The following KAZN variants were observed in gnomAD, a reference collection of about 807,000 sequenced individuals.
The protein encoded by KAZN is kazrin, periplakin interacting protein.
Under a neutral mutation model 87.4 loss-of-function variants are expected in KAZN, and 40 were observed. The ratio of observed to expected loss-of-function variants is 0.46; its 90% CI spans 0.36 to 0.60. The LOEUF (loss-of-function observed/expected upper bound fraction) is 0.60, where lower values mean the gene tolerates loss of function less well. Among genes scored for constraint, KAZN ranks in the 20% least tolerant of loss-of-function variants. The pLI, the probability that KAZN is intolerant of heterozygous loss-of-function variation, is 0.00. For missense variants in KAZN, 898 were observed against 1,073.9 expected (o/e 0.84, Z 2.29); for synonymous variants, 466 against 458.3 (o/e 1.02, Z -0.22).
At chr1:14,812,414 G>T (rs1020849344) in intron 1 of KAZN, among the ~76,000 whole-genome samples, 4 of 152,198 alleles carry the variant, frequency 2.6e-5, no homozygotes, top group African/African-American at 9.7e-5. Context: ...CAGTGGAGGG[G>T]TGGTGGAACA....
chr1:14,730,412 G>A (rs577849196), intron 1 of KAZN, among the ~76,000 whole-genome samples: 31 of 152,164 alleles, frequency 2.0e-4, no homozygotes, highest in African/African-American at 6.0e-4. Context: ...GATAGTTCAC[G>A]CTTATTCATT....
At chr1:14,198,249 A>G (rs935757431) in intron 2 of KAZN, among the ~76,000 whole-genome samples, 1 of 152,196 alleles carries the variant, frequency 6.6e-6, no homozygotes, top group Admixed American at 6.5e-5. Flanking sequence ...GATGGTGATA[A>G]AAATCTGACT....
At chr1:14,056,064 C>T (rs1037451961) in intron 1 of KAZN, among the ~76,000 whole-genome samples, 1 of 152,198 alleles carries the variant, frequency 6.6e-6, no homozygotes, top group Non-Finnish European at 1.5e-5. Context: ...TCCTCCCTGG[C>T]TTCAAGATCC....
In KAZN at chr1:15,114,551, AG is replaced by A. The variant is rs1353729827; in HGVS notation, c.2245del (p.Asp749IlefsTer38). The stretch of plus-strand genomic sequence containing the variant: ...ATGACTATGGCTCTCTTCAAAACGA[AG>A]ATTGCGGAGACGATGACCCCCAGAG... The part of the protein sequence containing the change: ...HDDYGSLQNE[D>X]CGDDDPQSRL... On this transcript the variant is annotated frameshift_variant, in exon 15 of 15. Coordinates refer to ENST00000376030, the MANE Select transcript of KAZN (RefSeq NM_201628.3). LOFTEE classifies it high-confidence loss of function. The A allele has an allele frequency of 1.9e-6, 3 of 1,609,554 alleles. No homozygotes were observed. The highest frequency in any genetic ancestry group is 2.5e-6 in the Non-Finnish European group (3 of 1,178,020).
At chr1:14,927,556 G>A (rs376473995) in intron 1 of KAZN, among the ~76,000 whole-genome samples, 3 of 152,172 alleles carry the variant, frequency 2.0e-5, no homozygotes, top group African/African-American at 2.4e-5. Flanking sequence ...AGGTGTGTGG[G>A]TGCTGAGTTT....
intron 1 of KAZN, among the ~76,000 whole-genome samples, chr1:14,760,053 C>T (rs1195635645): frequency 6.6e-6 from 1 of 152,114 alleles, no homozygotes; most frequent in African/African-American, 2.4e-5. Context: ...CACCTCAGGA[C>T]ACACCCCGAG....
At chr1:14,576,965 C>T (rs12143831) in intron 2 of KAZN, among the ~76,000 whole-genome samples, 15,113 of 152,204 alleles carry the variant, frequency 0.099, 833 homozygotes, top group Non-Finnish European at 0.13. Context: ...TAATTAAATG[C>T]ATTTTGACTA....
chr1:14,872,964 A>G (rs1053213076), intron 1 of KAZN, among the ~76,000 whole-genome samples: 2 of 151,302 alleles, frequency 1.3e-5, no homozygotes, highest in African/African-American at 4.8e-5. Flanking sequence ...GGATGGATGG[A>G]TGGAAAGATG....
At chr1:14,619,344 G>T (rs532967600) in intron 1 of KAZN, among the ~76,000 whole-genome samples, 137 of 151,814 alleles carry the variant, frequency 9.0e-4, no homozygotes, top group Non-Finnish European at 1.6e-3. Flanking sequence ...TCTACAGGTG[G>T]GTGCCAACAC....
chr1:13,940,344 G>C (rs894916335), intron 1 of KAZN, among the ~76,000 whole-genome samples: 2 of 151,550 alleles, frequency 1.3e-5, no homozygotes, highest in African/African-American at 4.9e-5. Context: ...CAGTATTTCT[G>C]TTTCTTTCTG....
chr1:14,388,170 G>T (rs571356331), intron 2 of KAZN, among the ~76,000 whole-genome samples: 1 of 152,030 alleles, frequency 6.6e-6, no homozygotes, highest in African/African-American at 2.4e-5. Flanking sequence ...GCCCTGCTTC[G>T]GCTGGCACAC....
chr1:14,058,583 C>G (rs1425252478), intron 1 of KAZN, among the ~76,000 whole-genome samples: 1 of 152,176 alleles, frequency 6.6e-6, no homozygotes, highest in African/African-American at 2.4e-5. Flanking sequence ...AGGTGCAGCC[C>G]TTGATATGAC....
intron 2 of KAZN, among the ~76,000 whole-genome samples, chr1:14,542,878 A>G (rs1672898097): frequency 6.6e-6 from 1 of 151,958 alleles, no homozygotes; most frequent in Non-Finnish European, 1.5e-5. Context: ...CTCTAATGGG[A>G]GCTGCTCACA....
intron 1 of KAZN, among the ~76,000 whole-genome samples, chr1:13,950,447 C>A (rs186069246): frequency 6.6e-6 from 1 of 152,222 alleles, no homozygotes; most frequent in Non-Finnish European, 1.5e-5. Flanking sequence ...ATATCCCCAG[C>A]GTTCAGTGTA....
chr1:14,318,550 T>C (rs1336369187), intron 2 of KAZN, among the ~76,000 whole-genome samples: 2 of 152,122 alleles, frequency 1.3e-5, no homozygotes, highest in Non-Finnish European at 2.9e-5. Context: ...GTGTTTTTGC[T>C]GCTTGGGATT....
At position 15,101,164 on chromosome 1, in the gene KAZN, T is replaced by TTCTCTCTCTCTCTCTCTCTCTCTC. The variant is rs143288616; in HGVS notation, c.1548-356_1548-355insCTCTCTCTCTCTCTCTCTCTCTCT. On this transcript the variant is annotated intron_variant, in intron 10 of 14. Transcript: ENST00000376030. ...CCTTTCTGTTCTTGAGTCTCGGTCT[T>TTCTCTCTCTCTCTCTCTCTCTCTC]TCTCTCTCTCTCTCTCTCTCTCTGC... 5.5e-3 allele frequency among the ~76,000 whole-genome samples: 709 copies of TTCTCTCTCTCTCTCTCTCTCTCTC among 127,782 alleles called. 52 individuals carry two copies. The highest frequency in any genetic ancestry group is 0.016 in the Middle Eastern group (4 of 248). 83.8% of individuals were successfully genotyped at this position (127,782 alleles called of 152,430 possible). A position where few individuals can be genotyped will look rare whatever the true frequency, so the allele number is the denominator to read the frequency against.
intron 1 of KAZN, among the ~76,000 whole-genome samples, chr1:14,884,096 A>G (rs1031537033): frequency 6.6e-6 from 1 of 152,162 alleles, no homozygotes; most frequent in Non-Finnish European, 1.5e-5. Context: ...CTCACAGCCT[A>G]TAAATAAGAA....
intron 2 of KAZN, among the ~76,000 whole-genome samples, chr1:14,282,358 C>A (rs1394739676): frequency 6.6e-6 from 1 of 152,186 alleles, no homozygotes; most frequent in African/African-American, 2.4e-5. Context: ...GGAAGTCCCC[C>A]TCCTCTTACC....
intron 11 of KAZN, 45 bp downstream of exon 11, chr1:15,101,819 C>A: frequency 7.6e-7 from 1 of 1,320,416 alleles, no homozygotes; most frequent in Non-Finnish European, 1.1e-6. Flanking sequence ...ACTGCCCACC[C>A]CTCCCCTCTT....
Sources: gnomAD v4.1 joint callset for allele counts (sites outside exome capture counted in the v4.1 genomes callset) on GRCh38, gnomAD v4.1.1 for gene constraint, MANE v1.5 for transcripts, NCBI Gene and HGNC (gene_info 2026-07-23, HGNC 2026-07-21) for gene names.